Variants in SEC22C observed in about 807,000 individuals in gnomAD.
SEC22C encodes the protein SEC22 homolog C, vesicle trafficking protein.
SEC22C carries 29 observed loss-of-function variants against 34.7 expected under a neutral mutation model. That is an observed-to-expected ratio of 0.84 (90% CI 0.62 to 1.14). SEC22C has a LOEUF of 1.14. Among genes scored for constraint, SEC22C ranks in the 50% most tolerant of loss-of-function variants. The pLI, the probability that SEC22C is intolerant of heterozygous loss-of-function variation, is 0.00. For missense variants in SEC22C, 337 were observed against 369.0 expected (o/e 0.91, Z 0.71); for synonymous variants, 117 against 132.8 (o/e 0.88, Z 0.82).
chr3:42,578,150 A>C (rs1704083938), intron 1 of SEC22C, among the ~76,000 whole-genome samples: 1 of 152,222 alleles, frequency 6.6e-6, no homozygotes, highest in African/African-American at 2.4e-5. Flanking sequence ...CCAAACCTGA[A>C]AACAACCAAA....
intron 1 of SEC22C, among the ~76,000 whole-genome samples, chr3:42,589,709 A>G (rs1489823599): frequency 6.6e-6 from 1 of 152,230 alleles, no homozygotes; most frequent in Non-Finnish European, 1.5e-5. Context: ...TGAGAATCTA[A>G]TGCCTGCTGA....
chr3:42,579,344 G>A (rs182297334), intron 1 of SEC22C: 1 of 151,118 alleles, frequency 6.6e-6, no homozygotes, highest in African/African-American at 2.4e-5. Flanking sequence ...GCTCATACCT[G>A]TCATCCCAGC....
Position 42,561,210 on chromosome 3 carries a change from GCTC to G in SEC22C, c.430_432del (p.Glu144del). On this transcript the variant is annotated inframe_deletion, in exon 4 of 7. Transcript: ENST00000264454. The stretch of plus-strand genomic sequence containing the variant: ...AGAACCGCTGGAGGCTGCAACTTGA[GCTC>G]CTCCTGAATTTTTTCCAAGCTGCAC... 1.9e-6 allele frequency: 3 copies of G among 1,614,152 alleles called. No homozygotes were observed. The highest frequency in any genetic ancestry group is 2.7e-5 in the African/African-American group (2 of 75,040).
intron 5 of SEC22C, 147 bp from the exon 6 acceptor site, chr3:42,556,142 C>A (rs1328934869): frequency 1.6e-6 from 1 of 641,268 alleles, no homozygotes; most frequent in Non-Finnish European, 2.8e-6. Context: ...TGTTTATGCA[C>A]CAGATCAGGG....
chr3:42,580,968 T>C (rs1704303256), intron 1 of SEC22C, among the ~76,000 whole-genome samples: 2 of 152,216 alleles, frequency 1.3e-5, no homozygotes, highest in Admixed American at 1.3e-4. Context: ...ATTTAGTTGA[T>C]TTCTAAGTTA....
rs144801334 is a variant in SEC22C, at chr3:42,562,831, C to A, written c.346+692G>T. On this transcript the variant is annotated intron_variant, in intron 3 of 6. Transcript: ENST00000264454. ...CCTCAACAAGGCCTTTCTGGCAGAG[C>A]CTAGAAAAGAAGTATCATTTTTCCA... Among the ~76,000 whole-genome samples, 143 of 152,264 alleles carry A rather than the reference C, an allele frequency of 9.4e-4. 1 individual carries two copies. In the Middle Eastern group the frequency reaches 0.02, roughly 22 times the overall value.
intron 3 of SEC22C, among the ~76,000 whole-genome samples, chr3:42,561,655 C>T (rs1333641280): frequency 6.6e-6 from 1 of 152,250 alleles, no homozygotes; most frequent in Non-Finnish European, 1.5e-5. Flanking sequence ...TCCCAGAGTG[C>T]TGGGATAATA....
chr3:42,554,092 G>GT lies in SEC22C; in HGVS notation c.712-645dup, dbSNP rs1162882576. On this transcript the variant is annotated intron_variant, in intron 6 of 6. Coordinates refer to ENST00000264454, the MANE Select transcript of SEC22C (RefSeq NM_032970.4). ...AAACGGCATTTTGGTTCAATGCTTT[G>GT]TTTTTTTTTTTTAAAAAAAGGACAT... 1.4e-3 allele frequency among the ~76,000 whole-genome samples: 200 copies of GT among 144,644 alleles called. 1 individual carries two copies. Among genetic ancestry groups the GT allele is most frequent in the South Asian group, 9.9e-3 (45 of 4,546 alleles). 94.9% of individuals were successfully genotyped at this position (144,644 alleles called of 152,430 possible).
At chr3:42,594,490 CTTCAAAAGCAATGGAATAATCT>C (rs779679744) in intron 1 of SEC22C, 5 of 1,613,752 alleles carry the variant, frequency 3.1e-6, no homozygotes, top group South Asian at 2.2e-5. Flanking sequence ...CCAACCAGCA[CTTCAAAAGCAATGGAATAATCT>C]TTCAAAAGCA....
intron 1 of SEC22C, chr3:42,573,644 G>A (rs1703779297): frequency 6.6e-6 from 1 of 152,104 alleles, no homozygotes; most frequent in African/African-American, 2.4e-5. Flanking sequence ...GACCAGCCTG[G>A]GCAACATAAT....
upstream of SEC22C, among the ~76,000 whole-genome samples, chr3:42,583,291 C>T (rs190310643): frequency 8.2e-4 from 125 of 152,174 alleles, 1 homozygote; most frequent in African/African-American, 2.9e-3. Context: ...GGAGTGTGGA[C>T]TAGGGTGAGA....
intron 1 of SEC22C, among the ~76,000 whole-genome samples, chr3:42,598,967 A>ATATCTGTAGATCTC (rs1422020494): frequency 6.6e-6 from 1 of 151,232 alleles, no homozygotes; most frequent in Admixed American, 6.6e-5. Flanking sequence ...AGATCTATAG[A>ATATCTGTAGATCTC]TAGATTTTTT....
rs541550637 is a variant in SEC22C at position 42,553,469 on chromosome 3, G to A, written c.712-21C>T. On this transcript the variant is annotated intron_variant, in intron 6 of 6. Coordinates refer to ENST00000264454, the MANE Select transcript of SEC22C (RefSeq NM_032970.4). The stretch of plus-strand genomic sequence containing the variant: ...TAACACTGAAATGAGACCAGAAGAG[G>A]AATTCCAATCAGAGATAAAATGGCC... The A allele has an allele frequency of 3.1e-6, 5 of 1,608,368 alleles. No homozygotes were observed. In the South Asian group the frequency reaches 3.3e-5, roughly 11 times the overall value.
intron 4 of SEC22C, among the ~76,000 whole-genome samples, chr3:42,560,786 G>C (rs34243788): frequency 0.078 from 11,914 of 151,828 alleles, 494 homozygotes; most frequent in South Asian, 0.13. Flanking sequence ...CTACAGGCAC[G>C]AGCCACCACC....
chr3:42,557,940 C>T (rs1702632460), intron 4 of SEC22C, among the ~76,000 whole-genome samples: 1 of 152,196 alleles, frequency 6.6e-6, no homozygotes, highest in South Asian at 2.1e-4. Flanking sequence ...CAGGCAAGCA[C>T]AGGTTTTTCA....
intron 1 of SEC22C, among the ~76,000 whole-genome samples, chr3:42,578,933 C>T (rs924122418): frequency 2.0e-5 from 3 of 152,170 alleles, no homozygotes; most frequent in African/African-American, 7.2e-5. Context: ...GTACTATAAT[C>T]TCAGGACTCT....
chr3:42,565,419 G>A (rs1703175527), intron 2 of SEC22C, among the ~76,000 whole-genome samples: 1 of 152,134 alleles, frequency 6.6e-6, no homozygotes, highest in Non-Finnish European at 1.5e-5. Flanking sequence ...GGCCACTCTA[G>A]GATGGAGGTG....
At chr3:42,558,845 G>A (rs1417138523) in intron 4 of SEC22C, among the ~76,000 whole-genome samples, 1 of 152,072 alleles carries the variant, frequency 6.6e-6, no homozygotes, top group Non-Finnish European at 1.5e-5. Context: ...CTACCAGAGA[G>A]GACCAAGGCT....
chr3:42,555,534 TAGA>T (rs1702483954), intron 6 of SEC22C, among the ~76,000 whole-genome samples: 1 of 152,182 alleles, frequency 6.6e-6, no homozygotes, highest in Non-Finnish European at 1.5e-5. Context: ...GCTACTTTTA[TAGA>T]AGGACATTTC....
Sources: gnomAD v4.1 joint callset for allele counts (sites outside exome capture counted in the v4.1 genomes callset) on GRCh38, gnomAD v4.1.1 for gene constraint, MANE v1.5 for transcripts, NCBI Gene and HGNC (gene_info 2026-07-23, HGNC 2026-07-21) for gene names.